BTBD9: variants seen among roughly 807,000 people sequenced by gnomAD.
BTBD9 encodes BTB/POZ domain-containing protein 9.
BTBD9 carries 49 observed loss-of-function variants against 64.3 expected under a neutral mutation model. The observed-to-expected ratio is 0.76, with a 90% confidence interval of 0.61 to 0.97. The LOEUF (loss-of-function observed/expected upper bound fraction) is 0.97, where lower values mean the gene tolerates loss of function less well. BTBD9 is among the 50% of genes least tolerant of loss of function. The pLI is 0.00. For missense variants in BTBD9, 598 were observed against 762.1 expected (o/e 0.78, Z 2.53); for synonymous variants, 260 against 274.7 (o/e 0.95, Z 0.53).
intron 6 of BTBD9, chr6:38,402,847 T>C: frequency 1.4e-6 from 1 of 701,146 alleles, no homozygotes; most frequent in Non-Finnish European, 2.6e-6. Flanking sequence ...GAGGGAGGAT[T>C]GCTTGAGCTC....
chr6:38,317,338 G>A (rs1327408509), intron 7 of BTBD9, among the ~76,000 whole-genome samples: 2 of 152,158 alleles, frequency 1.3e-5, no homozygotes, highest in Non-Finnish European at 2.9e-5. Context: ...CTTCTGGCCT[G>A]TAGGTTTGCA....
chr6:38,459,741 A>C (rs1001584131), intron 6 of BTBD9, among the ~76,000 whole-genome samples: 13 of 152,190 alleles, frequency 8.5e-5, no homozygotes, highest in African/African-American at 3.1e-4. Context: ...CTTCACAGTT[A>C]AAAATTATGT....
At chr6:38,310,074 G>A (rs1762772657) in intron 7 of BTBD9, among the ~76,000 whole-genome samples, 1 of 152,164 alleles carries the variant, frequency 6.6e-6, no homozygotes, top group Non-Finnish European at 1.5e-5. Flanking sequence ...AGTGAGAGGT[G>A]TGAGAAGGAA....
At chr6:38,377,542 T>G (rs1765740991) in intron 6 of BTBD9, among the ~76,000 whole-genome samples, 2 of 152,170 alleles carry the variant, frequency 1.3e-5, no homozygotes. Flanking sequence ...GTTTCACTCT[T>G]GGGTTCTTAC....
chr6:38,489,370 G>C (rs1156766746), intron 6 of BTBD9, among the ~76,000 whole-genome samples: 1 of 152,172 alleles, frequency 6.6e-6, no homozygotes, highest in Non-Finnish European at 1.5e-5. Context: ...GGGAAGCTCA[G>C]GTGGGAGGAT....
At chr6:38,375,321 C>T (rs868429616) in intron 6 of BTBD9, among the ~76,000 whole-genome samples, 16 of 152,156 alleles carry the variant, frequency 1.1e-4, no homozygotes, top group Admixed American at 5.9e-4. Flanking sequence ...TCTTCTGTCC[C>T]TGCCCCCAGC....
intron 7 of BTBD9, among the ~76,000 whole-genome samples, chr6:38,294,540 A>T (rs1762089373): frequency 6.6e-6 from 1 of 152,136 alleles, no homozygotes; most frequent in Non-Finnish European, 1.5e-5. Flanking sequence ...CTCTCAGCAA[A>T]CTAACACAGG....
rs200093147 is a variant in BTBD9, at chr6:38,392,397, T to C, written c.1155-47304A>G. Reference sequence around the variant, plus strand: ...TTAGGGAACTGCCTCTCTGCTAGAATGAGTGAGTCCCTCATTCCTGGGGCA... The same window carrying C: ...TTAGGGAACTGCCTCTCTGCTAGAACGAGTGAGTCCCTCATTCCTGGGGCA... On this transcript the variant is annotated intron_variant, in intron 6 of 10. Coordinates refer to ENST00000481247, the MANE Select transcript of BTBD9 (RefSeq NM_001099272.2). Among the ~76,000 whole-genome samples, 3 of 152,342 alleles carry C rather than the reference T, an allele frequency of 2.0e-5. No homozygotes were observed. In the East Asian group the frequency reaches 5.8e-4, roughly 29 times the overall value.
At chr6:38,403,892 C>T (rs1489895221) in intron 6 of BTBD9, among the ~76,000 whole-genome samples, 3 of 152,254 alleles carry the variant, frequency 2.0e-5, no homozygotes, top group Middle Eastern at 3.4e-3. Context: ...GAACATTATT[C>T]AGCCATAAAT....
chr6:38,460,239 T>C (rs1490203017), intron 6 of BTBD9, among the ~76,000 whole-genome samples: 1 of 152,208 alleles, frequency 6.6e-6, no homozygotes, highest in African/African-American at 2.4e-5. Context: ...TTCTCTGTAC[T>C]GTCTATTTAA....
intron 7 of BTBD9, among the ~76,000 whole-genome samples, chr6:38,335,111 C>A (rs1406202594): frequency 2.6e-5 from 4 of 152,134 alleles, no homozygotes; most frequent in Non-Finnish European, 5.9e-5. Context: ...GTAAGGTGTG[C>A]CTTGTTTCTC....
intron 6 of BTBD9, among the ~76,000 whole-genome samples, chr6:38,435,605 T>A: frequency 1.7e-3 from 1 of 584 alleles, no homozygotes; most frequent in East Asian, 0.083. Flanking sequence ...TTCCCTCCCT[T>A]CCTTCCTTCC....
At chr6:38,276,404 C>G (rs994917202) in intron 8 of BTBD9, among the ~76,000 whole-genome samples, 1 of 151,444 alleles carries the variant, frequency 6.6e-6, no homozygotes, top group Non-Finnish European at 1.5e-5. Context: ...TGCTAAATGA[C>G]GAGTTAATGG....
At chr6:38,629,346 A>C (rs1287003178) in intron 1 of BTBD9, among the ~76,000 whole-genome samples, 1 of 152,248 alleles carries the variant, frequency 6.6e-6, no homozygotes, top group Non-Finnish European at 1.5e-5. Flanking sequence ...TACAGTGGAG[A>C]AACCAGGCAG....
intron 7 of BTBD9, among the ~76,000 whole-genome samples, chr6:38,317,122 A>T (rs531210095): frequency 6.6e-6 from 1 of 151,860 alleles, no homozygotes; most frequent in African/African-American, 2.4e-5. Context: ...CAGCCTCCCA[A>T]GTAGCTGGGA....
chr6:38,601,472 C>T (rs1353625069), intron 1 of BTBD9, among the ~76,000 whole-genome samples: 1 of 152,002 alleles, frequency 6.6e-6, no homozygotes, highest in Non-Finnish European at 1.5e-5. Flanking sequence ...CTTTGGGAGG[C>T]TAAGATATGC....
intron 9 of BTBD9, among the ~76,000 whole-genome samples, chr6:38,226,803 G>A (rs930527371): frequency 6.6e-6 from 1 of 152,174 alleles, no homozygotes; most frequent in Non-Finnish European, 1.5e-5. Flanking sequence ...TGACATAAGA[G>A]GCTTCTAAAG....
chr6:38,305,124 C>T (rs1762579614), intron 7 of BTBD9, among the ~76,000 whole-genome samples: 1 of 152,062 alleles, frequency 6.6e-6, no homozygotes. Flanking sequence ...CCTTGCTTAA[C>T]ATAGTTCTTT....
intron 6 of BTBD9, among the ~76,000 whole-genome samples, chr6:38,374,286 T>TATATATATATATATAC (rs1444399511): frequency 4.4e-5 from 3 of 67,480 alleles, no homozygotes; most frequent in Non-Finnish European, 7.0e-5. Context: ...AAAAAAAGTA[T>TATATATATATATATAC]ATATATATAT....
Sources: allele counts gnomAD v4.1 joint callset (sites outside exome capture counted in the v4.1 genomes callset), GRCh38; gene constraint gnomAD v4.1.1; transcripts MANE v1.5; gene names NCBI Gene and HGNC (gene_info 2026-07-23, HGNC 2026-07-21).